The following BOD1 variants were observed in gnomAD, a reference collection of about 807,000 sequenced individuals.
BOD1 encodes biorientation of chromosomes in cell division 1.
Under a neutral mutation model 15.7 loss-of-function variants are expected in BOD1, and 11 were observed. The ratio of observed to expected loss-of-function variants is 0.70; its 90% CI spans 0.44 to 1.16. The LOEUF (loss-of-function observed/expected upper bound fraction) is 1.16, where lower values mean the gene tolerates loss of function less well. BOD1 is among the 50% of genes most tolerant of loss of function. The pLI is 0.00. For synonymous variants in BOD1, 105 were observed against 103.5 expected, an observed-to-expected ratio of 1.01 and a Z score of -0.09; for missense variants, 182 against 244.5, an observed-to-expected ratio of 0.74 and a Z score of 1.70.
chr5:173,615,471 C>T (rs1755469558), intron 1 of BOD1, among the ~76,000 whole-genome samples: 1 of 152,202 alleles, frequency 6.6e-6, no homozygotes, highest in Non-Finnish European at 1.5e-5. Flanking sequence ...GGTCTCCTAA[C>T]CTACAACCAC....
At chr5:173,609,489 A>G (rs1755292156) in intron 2 of BOD1, 55 bp from the exon 3 acceptor site, 1 of 1,435,878 alleles carries the variant, frequency 7.0e-7, no homozygotes, top group Non-Finnish European at 9.4e-7. Flanking sequence ...ATTCATCTTT[A>G]GCCCCAATAA....
chr5:173,612,304 G>A (rs1315004920), intron 2 of BOD1, among the ~76,000 whole-genome samples: 2 of 152,240 alleles, frequency 1.3e-5, no homozygotes, highest in South Asian at 2.1e-4. Context: ...AGCACCTTGC[G>A]TAACTAGTGC....
At chr5:173,615,461 G>A (rs1755469306) in intron 1 of BOD1, among the ~76,000 whole-genome samples, 1 of 152,176 alleles carries the variant, frequency 6.6e-6, no homozygotes, top group Non-Finnish European at 1.5e-5. Context: ...CCAGTGACAG[G>A]GTCTCCTAAC....
At chr5:173,615,437 T>G (rs527941620) in intron 1 of BOD1, among the ~76,000 whole-genome samples, 2 of 152,226 alleles carry the variant, frequency 1.3e-5, no homozygotes, top group South Asian at 4.1e-4. Context: ...GAGAAATCAC[T>G]ACCCTGCAGG....
rs963447554 is a variant in BOD1 at position 173,616,587 on chromosome 5, T to C, written c.-151A>G. ...GTGGCGATGGCGGCAGGGGCGGTGG[T>C]GGGGGCGGCGGCGGCGAAGGCCCCC... On this transcript the variant is annotated 5_prime_UTR_variant, in exon 1 of 4. Transcript: ENST00000311086. 2 of 1,356,548 alleles carry C rather than the reference T, an allele frequency of 1.5e-6. No individual in the cohort carries two copies. The highest frequency in any genetic ancestry group is 1.9e-6 in the Non-Finnish European group (2 of 1,061,828). The allele number at this position is 1,356,548 out of a possible 1,614,324, so 84.0% of individuals were successfully genotyped here. A position where few individuals can be genotyped will look rare whatever the true frequency, so the allele number is the denominator to read the frequency against.
At chr5:173,608,440 T>C (rs1352416097) in intron 3 of BOD1, 148 bp from the exon 4 acceptor site, 1 of 656,558 alleles carries the variant, frequency 1.5e-6, no homozygotes, top group Non-Finnish European at 2.6e-6. Flanking sequence ...CTTCTCTCAA[T>C]AGAGGAACAA....
intron 1 of BOD1, among the ~76,000 whole-genome samples, chr5:173,615,482 A>C (rs1755469817): frequency 6.6e-6 from 1 of 152,248 alleles, no homozygotes; most frequent in African/African-American, 2.4e-5. Flanking sequence ...CTACAACCAC[A>C]GTCGTGGCTA....
At chr5:173,612,351 A>G (rs1020344836) in intron 2 of BOD1, among the ~76,000 whole-genome samples, 11 of 152,204 alleles carry the variant, frequency 7.2e-5, no homozygotes, top group Non-Finnish European at 1.3e-4. Context: ...GGTCCAATCC[A>G]GACCTTATTT....
rs371715563 is a variant in BOD1 at position 173,613,179 on chromosome 5, G to A, written c.314C>T (p.Thr105Met). The A allele has an allele frequency of 1.1e-5, 18 of 1,614,100 alleles. No homozygotes were observed. In the East Asian group the frequency reaches 1.8e-4, roughly 16 times the overall value. ...ATTTCGCAACTGGTTTTTGTTCATC[G>A]TAGGATTCCATTCCTGCTTGTCCAG... The part of the protein sequence containing the change: ...THLDKQEWNP[T>M]MNKNQLRNGL... The change falls in exon 2 of 4, where the codon ACG becomes ATG. Residue 105 changes from threonine to methionine, a missense_variant. By Grantham distance (81) the Thr-to-Met change is moderately conservative (BLOSUM62 -1). Around this residue, in one of 3 missense-constraint regions of BOD1, gnomAD observed 70 missense variants for 130.3 expected, o/e 0.54. Coordinates refer to ENST00000311086, the MANE Select transcript of BOD1 (RefSeq NM_138369.3).
At chr5:173,608,771 T>C (rs765073857) in intron 3 of BOD1, among the ~76,000 whole-genome samples, 3 of 152,230 alleles carry the variant, frequency 2.0e-5, no homozygotes, top group Admixed American at 1.3e-4. Context: ...CCCATGGTAA[T>C]TGATAGTGGT....
chr5:173,613,042 C>A (rs1054189679), intron 2 of BOD1, 89 bp downstream of exon 2: 8 of 1,478,460 alleles, frequency 5.4e-6, no homozygotes, highest in Non-Finnish European at 7.3e-6. Flanking sequence ...AAAGTCCCAT[C>A]AACCTTGACT....
At chr5:173,612,352 G>C (rs903247798) in intron 2 of BOD1, among the ~76,000 whole-genome samples, 2 of 152,174 alleles carry the variant, frequency 1.3e-5, no homozygotes, top group African/African-American at 2.4e-5. Flanking sequence ...GTCCAATCCA[G>C]ACCTTATTTA....
chr5:173,609,946 A>C (rs1755305088), intron 2 of BOD1, among the ~76,000 whole-genome samples: 1 of 152,236 alleles, frequency 6.6e-6, no homozygotes, highest in Non-Finnish European at 1.5e-5. Flanking sequence ...CCAGCAATTC[A>C]CCATGGCCTT....
At chr5:173,608,674 G>C (rs1304126461) in intron 3 of BOD1, among the ~76,000 whole-genome samples, 1 of 152,194 alleles carries the variant, frequency 6.6e-6, no homozygotes, top group African/African-American at 2.4e-5. Context: ...CCTGCAAAAA[G>C]CATTCTTTTG....
At chr5:173,612,015 C>G (rs577142582) in intron 2 of BOD1, among the ~76,000 whole-genome samples, 1 of 152,312 alleles carries the variant, frequency 6.6e-6, no homozygotes, top group South Asian at 2.1e-4. Context: ...CAGTAAGGGG[C>G]AGCTACTGTC....
At chr5:173,608,394 A>G (rs1183512755) in intron 3 of BOD1, 102 bp from the exon 4 acceptor site, 2 of 996,376 alleles carry the variant, frequency 2.0e-6, no homozygotes, top group East Asian at 4.9e-5. Context: ...GAAAGACTTA[A>G]AATGAATGTT....
intron 2 of BOD1, among the ~76,000 whole-genome samples, chr5:173,611,806 C>G (rs187018029): frequency 3.3e-4 from 50 of 152,304 alleles, no homozygotes; most frequent in African/African-American, 1.2e-3. Context: ...AGAATGACAT[C>G]CATGCTCATT....
Position 173,607,227 on chromosome 5 carries a change from G to C in BOD1, c.*1067C>G, listed in dbSNP as rs1755224464. On this transcript the variant is annotated 3_prime_UTR_variant, in exon 4 of 4. Transcript: ENST00000311086. ...ACACTCACTCTTAGGTCCCACCCCA[G>C]AACTTCTTAATCAGAAATATGCATT... Among the ~76,000 whole-genome samples, 1 of 152,198 alleles carries C rather than the reference G, an allele frequency of 6.6e-6. No individual in the cohort carries two copies. Among genetic ancestry groups the C allele is most frequent in the Non-Finnish European group, 1.5e-5 (1 of 68,026 alleles).
At chr5:173,612,495 C>T (rs184266418) in intron 2 of BOD1, among the ~76,000 whole-genome samples, 2 of 152,344 alleles carry the variant, frequency 1.3e-5, no homozygotes, top group East Asian at 3.9e-4. Flanking sequence ...TGTGCTACCA[C>T]TTGCAAGTCA....
Sources: gnomAD v4.1 joint callset for allele counts (sites outside exome capture counted in the v4.1 genomes callset) on GRCh38, gnomAD v4.1.1 for gene constraint, gnomAD v4.1.1 regional missense constraint, MANE v1.5 for transcripts, NCBI Gene and HGNC (gene_info 2026-07-23, HGNC 2026-07-21) for gene names.